The following TSFM variants were observed in gnomAD, a reference collection of about 807,000 sequenced individuals.
TSFM encodes the protein Ts translation elongation factor, mitochondrial, also known as elongation factor Ts, mitochondrial.
A neutral mutation model predicts 33.4 loss-of-function variants in TSFM; 29 were observed. That is an observed-to-expected ratio of 0.87 (90% CI 0.65 to 1.18). The LOEUF is 1.18. TSFM is among the 50% of genes most tolerant of loss of function. TSFM has a pLI of 0.00. For missense variants in TSFM, 394 were observed against 395.6 expected (o/e 1.00, Z 0.04); for synonymous variants, 178 against 163.5 (o/e 1.09, Z -0.68).
intron 4 of TSFM, among the ~76,000 whole-genome samples, chr12:57,790,060 CTTTTTTT>C (rs35382401): frequency 2.8e-5 from 3 of 105,440 alleles, no homozygotes; most frequent in African/African-American, 7.3e-5. Context: ...TTCTTTCTTT[CTTTTTTT>C]TTTTTTTTTT....
At chr12:57,801,294 A>C, downstream of TSFM, 1 of 1,134,932 alleles carries the variant, frequency 8.8e-7, no homozygotes, top group Non-Finnish European at 1.3e-6. Flanking sequence ...TGTCTTCAGG[A>C]AAAGCAAAAG....
chr12:57,792,888 G>A lies in TSFM; in HGVS notation c.484-98G>A. The A allele has an allele frequency of 4.0e-6, 5 of 1,250,050 alleles. No homozygotes were observed. The South Asian group carries it at 5.2e-5, about 13-fold the overall frequency. 77.4% of individuals were successfully genotyped at this position (1,250,050 alleles called of 1,614,324 possible). A position where few individuals can be genotyped will look rare whatever the true frequency, so the allele number is the denominator to read the frequency against. On this transcript the variant is annotated intron_variant, in intron 4 of 5. Transcript: ENST00000652027. ...ATTACAGGCGTGAGCCACCACGCCT[G>A]GCCAATACTTTTCTTAGAGATAGAC... is the stretch of plus-strand genomic sequence containing the variant.
chr12:57,802,331 C>G (rs1230692985), downstream of TSFM: 3 of 1,612,212 alleles, frequency 1.9e-6, no homozygotes, highest in African/African-American at 1.3e-5. Context: ...TGGCCTCAGC[C>G]CCAATCCACA....
chr12:57,800,450 A>G (rs1405464732), downstream of TSFM: 1 of 153,730 alleles, frequency 6.5e-6, no homozygotes, highest in Non-Finnish European at 1.4e-5. Flanking sequence ...TCTTTTAACC[A>G]TTAAAATAGG....
downstream of TSFM, among the ~76,000 whole-genome samples, chr12:57,798,989 C>T (rs557174692): frequency 2.0e-5 from 3 of 152,264 alleles, no homozygotes; most frequent in East Asian, 3.9e-4. Context: ...ATCTGCTAGG[C>T]ACTGTTGTAG....
downstream of TSFM, chr12:57,801,081 T>C (rs1955837412): frequency 7.2e-7 from 1 of 1,384,388 alleles, no homozygotes; most frequent in Admixed American, 1.7e-5. Context: ...CTGTAGCATT[T>C]GTGTGTTCTC....
chr12:57,784,880 CAA>C (rs1054885684), intron 2 of TSFM, among the ~76,000 whole-genome samples: 1 of 108,962 alleles, frequency 9.2e-6, no homozygotes, highest in Admixed American at 9.8e-5. Context: ...AACTCTGTCT[CAA>C]AAAAAAAAAC....
intron 4 of TSFM, among the ~76,000 whole-genome samples, chr12:57,788,699 A>C (rs991079452): frequency 6.6e-6 from 1 of 152,180 alleles, no homozygotes; most frequent in Non-Finnish European, 1.5e-5. Flanking sequence ...CAGTGGCACA[A>C]TCATTGTTCA....
downstream of TSFM, among the ~76,000 whole-genome samples, chr12:57,799,070 AGG>A (rs1267758584): frequency 1.3e-5 from 2 of 152,154 alleles, no homozygotes; most frequent in Non-Finnish European, 2.9e-5. Context: ...ATATTACTAG[AGG>A]GGGAAATAGG....
At chr12:57,786,904 A>T in intron 3 of TSFM, 136 bp from the exon 4 acceptor site, 1 of 938,476 alleles carries the variant, frequency 1.1e-6, no homozygotes, top group Non-Finnish European at 1.5e-6. Context: ...GCGTAGCTTT[A>T]AAATTTTGGA....
intron 2 of TSFM, chr12:57,783,820 C>T (rs912074977): frequency 2.1e-5 from 13 of 621,066 alleles, no homozygotes; most frequent in Admixed American, 5.8e-5. Context: ...TTCGCCGTGT[C>T]GGCCAGGCTG....
downstream of TSFM, chr12:57,802,304 C>T (rs763182966): frequency 6.8e-6 from 11 of 1,613,910 alleles, no homozygotes; most frequent in Non-Finnish European, 9.3e-6. Context: ...CAAGGGCACT[C>T]TCCTTCTCCG....
intron 2 of TSFM, among the ~76,000 whole-genome samples, chr12:57,785,788 T>G (rs901069784): frequency 6.6e-6 from 1 of 152,242 alleles, no homozygotes; most frequent in Non-Finnish European, 1.5e-5. Flanking sequence ...GTAGGTAATA[T>G]GTTGCCCTAC....
intron 4 of TSFM, chr12:57,791,970 G>C: frequency 2.7e-6 from 1 of 376,062 alleles, no homozygotes; most frequent in Non-Finnish European, 5.4e-6. Flanking sequence ...GCCAGGTGCA[G>C]TGGCTCACGC....
rs878971554 is a variant in TSFM at position 57,797,300 on chromosome 12, CA to C, written c.*718del. 4 of 985,374 alleles carry C rather than the reference CA, an allele frequency of 4.1e-6. No individual in the cohort carries two copies. In the Admixed American group the frequency reaches 2.5e-4, roughly 61 times the overall value. 61.0% of individuals were successfully genotyped at this position (985,374 alleles called of 1,614,324 possible). ...ACTTAACATTGCCTCTTTACTTCCC[CA>C]GTACTGAAACATTTCTTCAAGTATA... On this transcript the variant is annotated 3_prime_UTR_variant, in exon 6 of 6. Transcript: ENST00000652027.
At chr12:57,785,902 T>C (rs1216372059) in intron 2 of TSFM, among the ~76,000 whole-genome samples, 1 of 152,200 alleles carries the variant, frequency 6.6e-6, no homozygotes, top group African/African-American at 2.4e-5. Context: ...GTCCAAAATA[T>C]CGTTATGTGG....
chr12:57,785,230 CTTTT>C (rs993586637), intron 2 of TSFM, among the ~76,000 whole-genome samples: 1 of 152,104 alleles, frequency 6.6e-6, no homozygotes, highest in African/African-American at 2.4e-5. Context: ...CTGGCCAAAA[CTTTT>C]TTTAAGTTAA....
intron 4 of TSFM, among the ~76,000 whole-genome samples, chr12:57,791,159 G>C (rs534791494): frequency 6.6e-6 from 1 of 150,778 alleles, no homozygotes; most frequent in Non-Finnish European, 1.5e-5. Context: ...ATAGGTGCCC[G>C]CCACCACACC....
chr12:57,801,368 T>C (rs996950127), downstream of TSFM: 783 of 581,064 alleles, frequency 1.3e-3, 9 homozygotes, highest in Non-Finnish European at 1.5e-4. Context: ...TTTGGGTCCA[T>C]GCAGGCTTGA....
Sources: allele counts gnomAD v4.1 joint callset (sites outside exome capture counted in the v4.1 genomes callset), GRCh38; gene constraint gnomAD v4.1.1; transcripts MANE v1.5; gene names NCBI Gene and HGNC (gene_info 2026-07-23, HGNC 2026-07-21).